The following USP25 variants were observed in gnomAD, a reference collection of about 807,000 sequenced individuals.
USP25 encodes ubiquitin carboxyl-terminal hydrolase 25.
In USP25, 85 loss-of-function variants were observed where a neutral mutation model predicts 158.5. The ratio of observed to expected loss-of-function variants is 0.54; its 90% CI spans 0.45 to 0.64. USP25 has a LOEUF of 0.64. Ranked by LOEUF, USP25 falls within the 30% of genes least tolerant of loss-of-function variation. The pLI is 0.00. For synonymous variants in USP25, 464 were observed against 460.4 expected, an observed-to-expected ratio of 1.01 and a Z score of -0.10; for missense variants, 1,242 against 1,327.3, an observed-to-expected ratio of 0.94 and a Z score of 1.00.
chr21:15,859,397 G>T (rs563960204), intron 20 of USP25, among the ~76,000 whole-genome samples: 7 of 151,876 alleles, frequency 4.6e-5, no homozygotes, highest in African/African-American at 1.7e-4. Flanking sequence ...GGGTTTCACC[G>T]TGTTAGCCAG....
At chr21:15,827,501 T>C (rs2037570583) in intron 14 of USP25, among the ~76,000 whole-genome samples, 2 of 152,166 alleles carry the variant, frequency 1.3e-5, no homozygotes, top group East Asian at 1.9e-4. Context: ...AGTTACTCCA[T>C]TGGAGAAATG....
At chr21:15,775,739 A>ACCCCCCCCCCACCCCCCCCCCCC (rs2034606900) in intron 3 of USP25, among the ~76,000 whole-genome samples, 1 of 14,052 alleles carries the variant, frequency 7.1e-5, no homozygotes, top group African/African-American at 3.1e-4. Flanking sequence ...AATGGTTGCC[A>ACCCCCCCCCCACCCCCCCCCCCC]CCCCCCCCCC....
intron 1 of USP25, among the ~76,000 whole-genome samples, chr21:15,750,849 G>A (rs1029421705): frequency 3.5e-5 from 5 of 143,148 alleles, no homozygotes; most frequent in African/African-American, 5.9e-5. Flanking sequence ...CTTGTGATCC[G>A]TCTGCCTCCG....
At chr21:15,800,452 G>A (rs2036075558) in intron 6 of USP25, among the ~76,000 whole-genome samples, 1 of 150,782 alleles carries the variant, frequency 6.6e-6, no homozygotes. Flanking sequence ...ATTAAATGAG[G>A]TAAAACATGT....
In USP25 at chr21:15,811,221, A is replaced by G. The variant is rs200464957; in HGVS notation, c.931+11A>G. The G allele has an allele frequency of 1.0e-5, 16 of 1,602,396 alleles. No homozygotes were observed. In the East Asian group the frequency reaches 3.1e-4, roughly 31 times the overall value. On this transcript the variant is annotated intron_variant, in intron 9 of 25. Transcript: ENST00000400183. The stretch of plus-strand genomic sequence containing the variant: ...TGGGAGTACTTGAAGGTAGAGTTAT[A>G]CATTTACTTTTTATTGCAAGTGAAG...
At chr21:15,876,829 T>C (rs1322122356) in intron 24 of USP25, 1 of 152,216 alleles carries the variant, frequency 6.6e-6, no homozygotes, top group Non-Finnish European at 1.5e-5. Flanking sequence ...GCATAAGAAT[T>C]ATGTGGTGTA....
chr21:15,872,559 A>C (rs571016701), intron 23 of USP25, among the ~76,000 whole-genome samples: 17 of 152,244 alleles, frequency 1.1e-4, no homozygotes, highest in South Asian at 2.1e-4. Context: ...TTGTAAAACA[A>C]CTTTTAATAT....
chr21:15,782,509 A>G (rs1036678150), intron 4 of USP25, among the ~76,000 whole-genome samples: 2 of 152,102 alleles, frequency 1.3e-5, no homozygotes, highest in Non-Finnish European at 2.9e-5. Flanking sequence ...CAGTCGTACA[A>G]CCTTTCTGGC....
chr21:15,799,915 G>A, intron 6 of USP25, 72 bp downstream of exon 6: 1 of 966,826 alleles, frequency 1.0e-6, no homozygotes, highest in Non-Finnish European at 1.5e-6. Context: ...TGATTTTTGG[G>A]CATTTACTTG....
chr21:15,765,963 A>G, intron 2 of USP25, 34 bp from the exon 3 acceptor site: 1 of 1,571,248 alleles, frequency 6.4e-7, no homozygotes, highest in Non-Finnish European at 8.6e-7. Flanking sequence ...AAATTATTTC[A>G]AAACACTTGA....
intron 1 of USP25, among the ~76,000 whole-genome samples, chr21:15,747,590 A>G (rs1003251975): frequency 6.6e-6 from 1 of 152,166 alleles, no homozygotes; most frequent in Non-Finnish European, 1.5e-5. Context: ...ATGAAATAGA[A>G]CAACTATGAT....
intron 22 of USP25, among the ~76,000 whole-genome samples, chr21:15,868,858 C>G (rs2039766949): frequency 1.3e-5 from 2 of 152,142 alleles, no homozygotes; most frequent in Admixed American, 6.6e-5. Flanking sequence ...GTTTGAATAC[C>G]TTCCCCAGAA....
chr21:15,799,927 C>A, intron 6 of USP25, 84 bp downstream of exon 6: 1 of 773,370 alleles, frequency 1.3e-6, no homozygotes, highest in Non-Finnish European at 1.9e-6. Flanking sequence ...ATTTACTTGG[C>A]TCATCAAATC....
At chr21:15,754,797 G>A (rs530529663) in intron 1 of USP25, among the ~76,000 whole-genome samples, 1 of 152,288 alleles carries the variant, frequency 6.6e-6, no homozygotes, top group South Asian at 2.1e-4. Flanking sequence ...GAAAGATCCG[G>A]CTTACACATT....
At chr21:15,763,304 G>GGGTGT (rs1481635608) in intron 2 of USP25, among the ~76,000 whole-genome samples, 1 of 152,028 alleles carries the variant, frequency 6.6e-6, no homozygotes, top group African/African-American at 2.4e-5. Context: ...GTTCAAGGTG[G>GGGTGT]GGTGTATTAG....
intron 3 of USP25, among the ~76,000 whole-genome samples, chr21:15,775,896 A>G (rs1349970917): frequency 6.6e-6 from 1 of 152,086 alleles, no homozygotes; most frequent in Admixed American, 6.5e-5. Context: ...CTATAATTGA[A>G]GAAAGTAAAC....
intron 5 of USP25, among the ~76,000 whole-genome samples, chr21:15,793,279 T>C (rs1027714405): frequency 4.6e-5 from 7 of 151,626 alleles, no homozygotes; most frequent in Non-Finnish European, 1.0e-4. Context: ...CTCTATCCTG[T>C]ATGTGTAGGG....
chr21:15,750,214 GTTTTTTTTTTT>G (rs35867462), intron 1 of USP25, among the ~76,000 whole-genome samples: 6 of 65,634 alleles, frequency 9.1e-5, no homozygotes, highest in East Asian at 4.5e-4. Flanking sequence ...GTGTGTGTAT[GTTTTTTTTTTT>G]TTTTTTTTTT....
chr21:15,747,561 C>CT (rs2032660952), intron 1 of USP25, among the ~76,000 whole-genome samples: 1 of 151,738 alleles, frequency 6.6e-6, no homozygotes, highest in African/African-American at 2.4e-5. Flanking sequence ...TTAGTAGAGA[C>CT]TAACAACAAT....
Sources: allele counts gnomAD v4.1 joint callset (sites outside exome capture counted in the v4.1 genomes callset), GRCh38; gene constraint gnomAD v4.1.1; transcripts MANE v1.5; gene names NCBI Gene and HGNC (gene_info 2026-07-23, HGNC 2026-07-21).